Variants in HELZ observed in about 807,000 individuals in gnomAD.
HELZ encodes helicase with zinc finger.
HELZ carries 23 observed loss-of-function variants against 218.2 expected under a neutral mutation model. The ratio of observed to expected loss-of-function variants is 0.11; its 90% CI spans 0.08 to 0.15. The LOEUF (loss-of-function observed/expected upper bound fraction) is 0.15, where lower values mean the gene tolerates loss of function less well. Ranked by LOEUF, HELZ falls within the 10% of genes least tolerant of loss-of-function variation. The pLI is 1.00. For missense variants in HELZ, 1,813 were observed against 2,353.7 expected, an observed-to-expected ratio of 0.77 and a Z score of 4.75; for synonymous variants, 814 against 829.4, an observed-to-expected ratio of 0.98 and a Z score of 0.32.
intron 15 of HELZ, among the ~76,000 whole-genome samples, chr17:67,162,191 G>A (rs1015140973): frequency 6.6e-6 from 1 of 152,100 alleles, no homozygotes; most frequent in African/African-American, 2.4e-5. Flanking sequence ...CAAGGTAGGA[G>A]CGTCATCTGA....
chr17:67,195,318 CA>C, intron 8 of HELZ, 100 bp downstream of exon 8: 1 of 681,942 alleles, frequency 1.5e-6, no homozygotes, highest in South Asian at 2.0e-5. Context: ...CCTACATCTC[CA>C]CTTATATGTA....
chr17:67,223,431 T>C (rs1264981946), intron 3 of HELZ, among the ~76,000 whole-genome samples: 1 of 151,850 alleles, frequency 6.6e-6, no homozygotes, highest in African/African-American at 2.4e-5. Flanking sequence ...CCCATCTGTC[T>C]TGACTCTTTC....
chr17:67,126,816 T>G (rs570529332), intron 24 of HELZ, among the ~76,000 whole-genome samples: 60 of 142,526 alleles, frequency 4.2e-4, no homozygotes, highest in African/African-American at 1.4e-3. Flanking sequence ...AAAGTCAGAT[T>G]GCACCACTGC....
chr17:67,163,599 T>C (rs559203445), intron 15 of HELZ, among the ~76,000 whole-genome samples: 1 of 152,180 alleles, frequency 6.6e-6, no homozygotes, highest in East Asian at 1.9e-4. Context: ...AGATGGGGCT[T>C]CACCATGTTA....
rs1450387510 is a variant in HELZ, at chr17:67,151,297, C to T, written c.2178-73G>A. ...CAGTATCTAGTTATTAAAACACTGA[C>T]ATTGTTATTTTAAGATGGTAATATC... is the stretch of plus-strand genomic sequence containing the variant. On this transcript the variant is annotated intron_variant, in intron 17 of 32. Transcript: ENST00000358691. 7.6e-6 allele frequency: 9 copies of T among 1,180,650 alleles called. No homozygotes were observed. The East Asian group carries it at 1.7e-4, about 22-fold the overall frequency. 73.1% of individuals were successfully genotyped at this position (1,180,650 alleles called of 1,614,324 possible).
chr17:67,098,935 C>T (rs7209724), intron 31 of HELZ, among the ~76,000 whole-genome samples: 12,985 of 152,148 alleles, frequency 0.085, 1,808 homozygotes, highest in African/African-American at 0.29. Flanking sequence ...TTTAAAATGT[C>T]CTTTTTTCCT....
At chr17:67,168,809 G>A (rs1057047870) in intron 13 of HELZ, among the ~76,000 whole-genome samples, 1 of 152,036 alleles carries the variant, frequency 6.6e-6, no homozygotes, top group African/African-American at 2.4e-5. Flanking sequence ...AAGAAATATG[G>A]AGCCGGACAT....
At chr17:67,093,740 C>T (rs1005988744) in intron 31 of HELZ, among the ~76,000 whole-genome samples, 2 of 152,212 alleles carry the variant, frequency 1.3e-5, no homozygotes, top group Admixed American at 6.5e-5. Flanking sequence ...TGCTACCCCA[C>T]AGTCCAAGCC....
intron 3 of HELZ, among the ~76,000 whole-genome samples, chr17:67,222,004 A>AT (rs1193798023): frequency 3.5e-4 from 52 of 149,828 alleles, no homozygotes; most frequent in East Asian, 1.2e-3. Context: ...CAACCGGCTA[A>AT]TTTTTTTTTT....
intron 28 of HELZ, among the ~76,000 whole-genome samples, 186 bp downstream of exon 28, chr17:67,114,138 C>A (rs958495773): frequency 1.3e-5 from 2 of 152,162 alleles, no homozygotes; most frequent in African/African-American, 4.8e-5. Context: ...TATACTGATA[C>A]ATGAAATAGC....
chr17:67,234,326 A>C (rs1211599440), intron 3 of HELZ, among the ~76,000 whole-genome samples: 1 of 151,442 alleles, frequency 6.6e-6, no homozygotes, highest in Non-Finnish European at 1.5e-5. Context: ...AAAAGAAAAA[A>C]AAAAACACAG....
chr17:67,085,852 T>C lies in HELZ; in HGVS notation c.5494+977A>G, dbSNP rs138872222. On this transcript the variant is annotated intron_variant, in intron 32 of 32. Transcript: ENST00000358691. ...AGAACAGAGGAAAGATCAAAGCGCA[T>C]TCATCTTTAAGGCTAAAGAGGAAGA... is the stretch of plus-strand genomic sequence containing the variant. 4.1e-4 allele frequency among the ~76,000 whole-genome samples: 63 copies of C among 152,352 alleles called. No homozygotes were observed. In the East Asian group the frequency reaches 0.012, roughly 28 times the overall value.
At chr17:67,104,444 A>C (rs2037033109) in intron 31 of HELZ, among the ~76,000 whole-genome samples, 1 of 151,808 alleles carries the variant, frequency 6.6e-6, no homozygotes, top group East Asian at 1.9e-4. Context: ...ATTTCAAAAA[A>C]AAAAACAAAC....
intron 26 of HELZ, 30 bp downstream of exon 26, chr17:67,122,940 C>G: frequency 6.7e-7 from 1 of 1,481,924 alleles, no homozygotes; most frequent in Non-Finnish European, 9.3e-7. Flanking sequence ...TTACTTGATT[C>G]AATAGAAAGT....
At chr17:67,220,149 G>A (rs1199029415) in intron 3 of HELZ, among the ~76,000 whole-genome samples, 2 of 152,096 alleles carry the variant, frequency 1.3e-5, no homozygotes, top group South Asian at 2.1e-4. Flanking sequence ...CAGCCTTCTC[G>A]GCTTTTATAA....
intron 3 of HELZ, among the ~76,000 whole-genome samples, chr17:67,219,726 G>C (rs2040694823): frequency 6.6e-6 from 1 of 152,180 alleles, no homozygotes; most frequent in Non-Finnish European, 1.5e-5. Context: ...AATACGGAAG[G>C]AATCTATCAA....
chr17:67,083,460 T>C (rs566597541), intron 32 of HELZ, among the ~76,000 whole-genome samples: 2 of 152,138 alleles, frequency 1.3e-5, no homozygotes, highest in South Asian at 4.2e-4. Flanking sequence ...GCCAACATGG[T>C]GAAACCCTGT....
At chr17:67,150,117 A>AT in intron 18 of HELZ, 132 bp from the exon 19 acceptor site, 1 of 300,994 alleles carries the variant, frequency 3.3e-6, no homozygotes, top group Non-Finnish European at 5.8e-6. Flanking sequence ...ACTTTTATTT[A>AT]TTTATTTTCT....
chr17:67,087,190 A>T, intron 31 of HELZ, 109 bp from the exon 32 acceptor site: 2 of 1,022,000 alleles, frequency 2.0e-6, no homozygotes, highest in Non-Finnish European at 2.9e-6. Context: ...ATTGTCAAGA[A>T]TATACTGTGA....
Sources: gnomAD v4.1 joint callset for allele counts (sites outside exome capture counted in the v4.1 genomes callset) on GRCh38, gnomAD v4.1.1 for gene constraint, MANE v1.5 for transcripts, NCBI Gene and HGNC (gene_info 2026-07-23, HGNC 2026-07-21) for gene names.